Variants in DOCK3 observed in about 807,000 individuals in gnomAD.
The protein encoded by DOCK3 is dedicator of cytokinesis protein 3.
Under a neutral mutation model 265.6 loss-of-function variants are expected in DOCK3, and 60 were observed. The ratio of observed to expected loss-of-function variants is 0.23; its 90% confidence interval spans 0.18 to 0.28. DOCK3 has a LOEUF of 0.28. DOCK3 is among the 10% of genes least tolerant of loss of function. DOCK3 has a pLI of 1.00. For synonymous variants in DOCK3, 881 were observed against 938.0 expected, an observed-to-expected ratio of 0.94 and a Z score of 1.11; for missense variants, 1,981 against 2,594.3, an observed-to-expected ratio of 0.76 and a Z score of 5.14.
chr3:51,249,538 C>T (rs1255422113), intron 22 of DOCK3, among the ~76,000 whole-genome samples: 1 of 103,612 alleles, frequency 9.7e-6, no homozygotes, highest in Non-Finnish European at 2.1e-5. Context: ...GCCGCCCGGT[C>T]CGGGAGGGAG....
chr3:50,768,637 T>G (rs1167479513), intron 1 of DOCK3, among the ~76,000 whole-genome samples: 2 of 152,186 alleles, frequency 1.3e-5, no homozygotes, highest in Admixed American at 6.5e-5. Flanking sequence ...TATACCACAT[T>G]AAAAAATTCT....
At chr3:50,728,748 A>G (rs1455691118) in intron 1 of DOCK3, among the ~76,000 whole-genome samples, 4 of 147,490 alleles carry the variant, frequency 2.7e-5, no homozygotes, top group African/African-American at 7.5e-5. Context: ...TTTGAAATGG[A>G]TTCTTGCTCT....
At chr3:50,805,950 C>G (rs2043385414) in intron 2 of DOCK3, among the ~76,000 whole-genome samples, 1 of 151,702 alleles carries the variant, frequency 6.6e-6, no homozygotes, top group African/African-American at 2.4e-5. Context: ...GGGAATATGT[C>G]AGGAGCTGGG....
At chr3:50,832,684 C>A (rs550920703) in intron 2 of DOCK3, among the ~76,000 whole-genome samples, 2 of 151,846 alleles carry the variant, frequency 1.3e-5, no homozygotes, top group Non-Finnish European at 2.9e-5. Flanking sequence ...TTTATTCAAA[C>A]GCCTCTGACA....
chr3:50,951,760 C>G (rs924850238), intron 5 of DOCK3, among the ~76,000 whole-genome samples: 1 of 151,498 alleles, frequency 6.6e-6, no homozygotes, highest in African/African-American at 2.4e-5. Context: ...AGAGAAAACA[C>G]TGTTAAAGGA....
intron 41 of DOCK3, among the ~76,000 whole-genome samples, chr3:51,355,794 T>TCTTTCC (rs1220166975): frequency 6.6e-6 from 1 of 152,208 alleles, no homozygotes; most frequent in Non-Finnish European, 1.5e-5. Flanking sequence ...TGCATTCCCC[T>TCTTTCC]CTTTCCCTTT....
At chr3:51,113,144 T>C (rs1298436668) in intron 9 of DOCK3, among the ~76,000 whole-genome samples, 1 of 152,178 alleles carries the variant, frequency 6.6e-6, no homozygotes, top group Non-Finnish European at 1.5e-5. Flanking sequence ...CCCTGTATTC[T>C]TGTAGTTTAT....
At chr3:51,372,094 G>T (rs778586162) in intron 49 of DOCK3, among the ~76,000 whole-genome samples, 53 of 152,274 alleles carry the variant, frequency 3.5e-4, no homozygotes, top group African/African-American at 1.2e-3. Context: ...GCACTGTATC[G>T]GTCAATGAGA....
chr3:50,796,741 G>A (rs1559649463), intron 2 of DOCK3, among the ~76,000 whole-genome samples: 1 of 152,066 alleles, frequency 6.6e-6, no homozygotes, highest in Non-Finnish European at 1.5e-5. Context: ...TTCAGTCTTT[G>A]AAGTTGCTGA....
intron 2 of DOCK3, among the ~76,000 whole-genome samples, chr3:50,835,282 G>T (rs1382479848): frequency 6.6e-6 from 1 of 151,982 alleles, no homozygotes; most frequent in African/African-American, 2.4e-5. Context: ...TACACACCTT[G>T]CATGCAAAAC....
At position 51,374,637 on chromosome 3, in the gene DOCK3, G is replaced by A. The variant is rs1351230128; in HGVS notation, c.5412+50G>A. Reference sequence around the variant, plus strand: ...TCCTCTGCTGCAAGTGTGTTAGCCTGTGCTTCCCTCCTTGCATTTGCGGGG... The same window carrying A: ...TCCTCTGCTGCAAGTGTGTTAGCCTATGCTTCCCTCCTTGCATTTGCGGGG... On this transcript the variant is annotated intron_variant, in intron 50 of 52. Coordinates refer to ENST00000266037, the MANE Select transcript of DOCK3 (RefSeq NM_004947.5). The surrounding 1 kb of genome is among the most constrained non-coding windows in gnomAD (Gnocchi z 4.8). The A allele has an allele frequency of 1.3e-6, 2 of 1,525,352 alleles. No homozygotes were observed. The highest frequency in any genetic ancestry group is 2.4e-5 in the South Asian group (2 of 84,658). 94.5% of individuals were successfully genotyped at this position (1,525,352 alleles called of 1,614,324 possible). A position where few individuals can be genotyped will look rare whatever the true frequency, so the allele number is the denominator to read the frequency against.
chr3:50,720,341 C>T (rs1349340291), intron 1 of DOCK3, among the ~76,000 whole-genome samples: 5 of 152,094 alleles, frequency 3.3e-5, no homozygotes, highest in Non-Finnish European at 2.9e-5. Context: ...TCTCTGTGTT[C>T]ATGTATACTC....
chr3:51,381,662 G>T lies in DOCK3; in HGVS notation c.*103G>T. The T allele has an allele frequency of 7.1e-7, 1 of 1,416,136 alleles. No homozygotes were observed. The highest frequency in any genetic ancestry group is 9.2e-7 in the Non-Finnish European group (1 of 1,083,700). The allele number at this position is 1,416,136 out of a possible 1,614,324, so 87.7% of individuals were successfully genotyped here. ...AGCCCCACCCCAGGGAGCCAGAGAG[G>T]CTTGCACTCAGGAGAGAACCACCCC... On this transcript the variant is annotated 3_prime_UTR_variant, in exon 53 of 53. Coordinates refer to ENST00000266037, the MANE Select transcript of DOCK3 (RefSeq NM_004947.5). This position sits in a 1 kb window ranked among gnomAD's most constrained non-coding sequence, Gnocchi z 5.6.
chr3:50,931,600 T>A (rs146820684), intron 4 of DOCK3, among the ~76,000 whole-genome samples: 1 of 152,358 alleles, frequency 6.6e-6, no homozygotes, highest in East Asian at 1.9e-4. Context: ...ATATGACATT[T>A]ATCATTAGCT....
chr3:51,198,013 G>T (rs1030191814), intron 12 of DOCK3, among the ~76,000 whole-genome samples: 1 of 152,186 alleles, frequency 6.6e-6, no homozygotes, highest in Non-Finnish European at 1.5e-5. Context: ...TGCCTTACTT[G>T]CTTCTTAGCT....
chr3:51,369,249 C>T (rs2087495534), intron 49 of DOCK3, among the ~76,000 whole-genome samples: 1 of 152,156 alleles, frequency 6.6e-6, no homozygotes, highest in Admixed American at 6.5e-5. Context: ...CTTATCCGAG[C>T]TAAAGGAGGA....
chr3:50,882,365 C>T lies in DOCK3; in HGVS notation c.163-7661C>T, dbSNP rs561500375. ...TGGGAGAACAGTTTTACAATCTACC[C>T]ATCTGACAAAGGGCTAATATCCAGA... On this transcript the variant is annotated intron_variant, in intron 3 of 52. Coordinates refer to ENST00000266037, the MANE Select transcript of DOCK3 (RefSeq NM_004947.5). Among the ~76,000 whole-genome samples, 124 of 152,226 alleles carry T rather than the reference C, an allele frequency of 8.1e-4. 4 individuals carry two copies. The highest frequency in any genetic ancestry group is 1.1e-3 in the Admixed American group (17 of 15,300).
intron 1 of DOCK3, among the ~76,000 whole-genome samples, chr3:50,733,549 CTT>C (rs2038357046): frequency 6.6e-6 from 1 of 152,168 alleles, no homozygotes; most frequent in South Asian, 2.1e-4. Context: ...CTCTTGCTCT[CTT>C]TTGGTTTTCA....
chr3:51,008,608 A>G (rs1036620086), intron 5 of DOCK3, among the ~76,000 whole-genome samples: 8 of 152,166 alleles, frequency 5.3e-5, no homozygotes, highest in Non-Finnish European at 8.8e-5. Context: ...TCCTAATTCA[A>G]TACCCTTTAT....
Sources: gnomAD v4.1 joint callset for allele counts (sites outside exome capture counted in the v4.1 genomes callset) on GRCh38, gnomAD v4.1.1 for gene constraint, Gnocchi (gnomAD v3.1) non-coding constraint, MANE v1.5 for transcripts, NCBI Gene and HGNC (gene_info 2026-07-23, HGNC 2026-07-21) for gene names.